The following NELL1 variants were observed in gnomAD, a reference collection of about 807,000 sequenced individuals.
NELL1 encodes neural EGFL like 1, also known as protein kinase C-binding protein NELL1.
In NELL1, 76 loss-of-function variants were observed where a neutral mutation model predicts 107.4. That is an observed-to-expected ratio of 0.71 (90% CI 0.59 to 0.86). The LOEUF is 0.86. Among genes scored for constraint, NELL1 ranks in the 40% least tolerant of loss-of-function variants. NELL1 has a pLI of 0.00. For synonymous variants in NELL1, 353 were observed against 341.2 expected (o/e 1.03, Z -0.38); for missense variants, 1,024 against 1,005.5 (o/e 1.02, Z -0.25).
intron 12 of NELL1, among the ~76,000 whole-genome samples, chr11:21,112,235 A>C (rs929758015): frequency 6.6e-6 from 1 of 151,962 alleles, no homozygotes; most frequent in Non-Finnish European, 1.5e-5. Context: ...CCTCGCAATA[A>C]CTTTTATTTA....
intron 3 of NELL1, among the ~76,000 whole-genome samples, chr11:20,829,729 T>G (rs1857965565): frequency 6.6e-6 from 1 of 152,252 alleles, no homozygotes; most frequent in East Asian, 1.9e-4. Flanking sequence ...GTATGGCCAG[T>G]TATTTTGTAG....
intron 8 of NELL1, 122 bp from the exon 9 acceptor site, chr11:20,928,255 G>T: frequency 2.3e-6 from 2 of 883,840 alleles, no homozygotes. Context: ...GAGTGGACTG[G>T]GAATTCGAAT....
intron 4 of NELL1, among the ~76,000 whole-genome samples, chr11:20,884,347 T>C (rs1279135788): frequency 2.0e-5 from 3 of 151,674 alleles, no homozygotes; most frequent in African/African-American, 7.3e-5. Context: ...CAGGGAGGAG[T>C]GATGAGCTGT....
chr11:21,017,836 T>A (rs1477846804), intron 12 of NELL1, among the ~76,000 whole-genome samples: 1 of 152,092 alleles, frequency 6.6e-6, no homozygotes, highest in Non-Finnish European at 1.5e-5. Flanking sequence ...TCTATCATCC[T>A]TATCTATGAG....
chr11:21,553,673 T>C (rs1856642002), intron 16 of NELL1, among the ~76,000 whole-genome samples: 1 of 151,898 alleles, frequency 6.6e-6, no homozygotes, highest in South Asian at 2.1e-4. Context: ...AATCTAAACT[T>C]AACAAATGTT....
rs543354508 is a variant in NELL1, at chr11:20,960,105, T to C, written c.1172-327T>C. On this transcript the variant is annotated intron_variant, in intron 11 of 19. Coordinates refer to ENST00000357134, the MANE Select transcript of NELL1 (RefSeq NM_006157.5). ...ATTAATTTTATTACTCTTTGTATTATAAATTTTACAAGAAAACAAAATTAT... is the reference window on the plus strand; with the variant it reads ...ATTAATTTTATTACTCTTTGTATTACAAATTTTACAAGAAAACAAAATTAT... Among the ~76,000 whole-genome samples, 25 of 152,196 alleles carry C rather than the reference T, an allele frequency of 1.6e-4. No homozygotes were observed. The South Asian group carries it at 5.2e-3, about 32-fold the overall frequency.
At chr11:21,069,799 G>T (rs1853966681) in intron 12 of NELL1, among the ~76,000 whole-genome samples, 1 of 152,108 alleles carries the variant, frequency 6.6e-6, no homozygotes, top group Admixed American at 6.6e-5. Flanking sequence ...GGATTTTGCA[G>T]GCAGGAGGCC....
At chr11:21,130,811 A>C (rs1855598360) in intron 13 of NELL1, among the ~76,000 whole-genome samples, 2 of 152,128 alleles carry the variant, frequency 1.3e-5, no homozygotes, top group South Asian at 4.1e-4. Flanking sequence ...TTTGAAATCC[A>C]TGGGCTTTGT....
At chr11:20,862,941 C>G (rs1006235078) in intron 4 of NELL1, among the ~76,000 whole-genome samples, 5 of 152,144 alleles carry the variant, frequency 3.3e-5, no homozygotes, top group African/African-American at 7.2e-5. Flanking sequence ...AGATCAACAG[C>G]ATCCCAAGGC....
intron 14 of NELL1, among the ~76,000 whole-genome samples, chr11:21,349,534 CT>C (rs1850756351): frequency 6.6e-6 from 1 of 152,034 alleles, no homozygotes; most frequent in South Asian, 2.1e-4. Context: ...CTTTCTGTCA[CT>C]CTGAAATGCC....
At chr11:21,443,495 GA>G (rs917795845) in intron 15 of NELL1, among the ~76,000 whole-genome samples, 15 of 139,766 alleles carry the variant, frequency 1.1e-4, no homozygotes, top group South Asian at 2.3e-4. Context: ...CTTCTGGTGA[GA>G]AAAAAAAATA....
chr11:20,965,805 A>G (rs1051218492), intron 12 of NELL1, among the ~76,000 whole-genome samples: 2 of 152,170 alleles, frequency 1.3e-5, no homozygotes, highest in South Asian at 4.1e-4. Context: ...ATCAGAGTTC[A>G]AACAGAACGC....
chr11:21,071,023 A>G lies in NELL1; in HGVS notation c.1301-42566A>G, dbSNP rs527751970. Among the ~76,000 whole-genome samples, 339 of 152,216 alleles carry G rather than the reference A, an allele frequency of 2.2e-3. 2 individuals carry two copies. Among genetic ancestry groups the G allele is most frequent in the African/African-American group, 7.7e-3 (318 of 41,520 alleles). On this transcript the variant is annotated intron_variant, in intron 12 of 19. Coordinates refer to ENST00000357134, the MANE Select transcript of NELL1 (RefSeq NM_006157.5). ...TGCTAACCTTGTTTTTAGCCCTCCTACTTCATATAGTCCAGGTTTGCCTCA... is the reference window on the plus strand; with the variant it reads ...TGCTAACCTTGTTTTTAGCCCTCCTGCTTCATATAGTCCAGGTTTGCCTCA...
chr11:21,560,344 A>G lies in NELL1; in HGVS notation c.1942A>G (p.Thr648Ala). Reference sequence around the variant, plus strand: ...GCTGAAGCACAATGGCCAGGTGTGGACCTTGAAAGAAGACAGGTGTTCTGT... The same window carrying G: ...GCTGAAGCACAATGGCCAGGTGTGGGCCTTGAAAGAAGACAGGTGTTCTGT... ...GGLKHNGQVW[T>A]LKEDRCSVCS... is the part of the protein sequence containing the mutation. Residue 648 changes from threonine to alanine, a missense_variant, in exon 17 of 20, where the codon ACC (threonine) becomes GCC (alanine). Physicochemically the swap from Thr to Ala is moderately conservative, Grantham distance 58. Transcript: ENST00000357134. 1 of 1,605,038 alleles carries G rather than the reference A, an allele frequency of 6.2e-7. No homozygotes were observed. The highest frequency in any genetic ancestry group is 8.5e-7 in the Non-Finnish European group (1 of 1,175,938).
At chr11:21,164,066 G>A (rs1856430597) in intron 13 of NELL1, among the ~76,000 whole-genome samples, 1 of 152,120 alleles carries the variant, frequency 6.6e-6, no homozygotes, top group Non-Finnish European at 1.5e-5. Context: ...GAGTCAAGGA[G>A]AGAAGCCTCA....
chr11:20,845,904 G>A (rs1339867698), intron 3 of NELL1, among the ~76,000 whole-genome samples: 2 of 152,114 alleles, frequency 1.3e-5, no homozygotes, highest in Admixed American at 6.6e-5. Context: ...TATGTGTTCA[G>A]TAAAGACATA....
intron 14 of NELL1, among the ~76,000 whole-genome samples, chr11:21,297,298 C>T (rs1478343325): frequency 1.3e-5 from 2 of 152,000 alleles, no homozygotes; most frequent in Admixed American, 1.3e-4. Context: ...TTATGTTTAA[C>T]TACTTAAGGC....
intron 15 of NELL1, among the ~76,000 whole-genome samples, chr11:21,482,703 T>C (rs1014287087): frequency 1.3e-5 from 2 of 150,798 alleles, no homozygotes; most frequent in African/African-American, 2.4e-5. Context: ...GTGGTGGAAC[T>C]CAGTGGCCCT....
At chr11:20,737,706 G>A (rs1235348256) in intron 2 of NELL1, among the ~76,000 whole-genome samples, 2 of 151,762 alleles carry the variant, frequency 1.3e-5, no homozygotes, top group African/African-American at 4.8e-5. Context: ...ATTATTATTA[G>A]TTGTATTATT....
Sources: allele counts gnomAD v4.1 joint callset (sites outside exome capture counted in the v4.1 genomes callset), GRCh38; gene constraint gnomAD v4.1.1; transcripts MANE v1.5; gene names NCBI Gene and HGNC (gene_info 2026-07-23, HGNC 2026-07-21).